The following DLGAP1 variants were observed in gnomAD, a reference collection of about 807,000 sequenced individuals.
DLGAP1 encodes the protein disks large-associated protein 1.
In DLGAP1, 11 loss-of-function variants were observed where a neutral mutation model predicts 90.8. The ratio of observed to expected loss-of-function variants is 0.12; its 90% CI spans 0.08 to 0.20. The LOEUF is 0.20. Among genes scored for constraint, DLGAP1 ranks in the 10% least tolerant of loss-of-function variants. The pLI, the probability that DLGAP1 is intolerant of heterozygous loss-of-function variation, is 1.00. For synonymous variants in DLGAP1, 558 were observed against 540.7 expected (o/e 1.03, Z -0.44); for missense variants, 1,050 against 1,333.8 (o/e 0.79, Z 3.31).
intron 7 of DLGAP1, among the ~76,000 whole-genome samples, chr18:3,703,172 T>C (rs545059745): frequency 6.6e-6 from 1 of 152,210 alleles, no homozygotes; most frequent in South Asian, 2.1e-4. Context: ...TCCAGAATCT[T>C]TGAAGTGGTG....
intron 5 of DLGAP1, among the ~76,000 whole-genome samples, chr18:3,772,997 T>C (rs2064764705): frequency 6.6e-6 from 1 of 152,176 alleles, no homozygotes; most frequent in African/African-American, 2.4e-5. Flanking sequence ...GCAGAGCCCA[T>C]TTAAAAGAAG....
At chr18:3,945,608 A>T (rs2072860549) in intron 3 of DLGAP1, among the ~76,000 whole-genome samples, 1 of 152,206 alleles carries the variant, frequency 6.6e-6, no homozygotes, top group South Asian at 2.1e-4. Flanking sequence ...CTTTTATGTA[A>T]AACAAAGATA....
rs532676139 is a variant in DLGAP1 at position 3,592,782 on chromosome 18, C to A, written c.1592-10534G>T. On this transcript the variant is annotated intron_variant, in intron 7 of 12. Coordinates refer to ENST00000315677, the MANE Select transcript of DLGAP1 (RefSeq NM_004746.4). ...TCACTTGAGCTTGGGAGGTGGAGGCCGCAATGAGCCATGACTGTGCCACTG... is the reference window on the plus strand; with the variant it reads ...TCACTTGAGCTTGGGAGGTGGAGGCAGCAATGAGCCATGACTGTGCCACTG... Among the ~76,000 whole-genome samples the A allele has an allele frequency of 8.7e-4, 118 of 135,552 alleles. 2 individuals carry two copies. The South Asian group carries it at 0.027, about 31-fold the overall frequency. The allele number at this position is 135,552 out of a possible 152,430, so 88.9% of individuals were successfully genotyped here.
At chr18:3,561,587 T>C (rs2054120374) in intron 9 of DLGAP1, among the ~76,000 whole-genome samples, 1 of 150,834 alleles carries the variant, frequency 6.6e-6, no homozygotes, top group Admixed American at 6.6e-5. Flanking sequence ...TCTGAAATAG[T>C]CTTTATTTTT....
intron 1 of DLGAP1, among the ~76,000 whole-genome samples, chr18:4,179,146 A>G (rs1243864436): frequency 6.6e-6 from 1 of 152,196 alleles, no homozygotes; most frequent in African/African-American, 2.4e-5. Flanking sequence ...CTTAAGACAA[A>G]GAAATACGGT....
intron 1 of DLGAP1, among the ~76,000 whole-genome samples, chr18:4,197,854 T>C (rs935027081): frequency 6.6e-6 from 1 of 152,168 alleles, no homozygotes; most frequent in Non-Finnish European, 1.5e-5. Flanking sequence ...CCAGCACTTA[T>C]TTCCCAGGGC....
intron 1 of DLGAP1, among the ~76,000 whole-genome samples, chr18:4,172,658 T>A (rs1032573971): frequency 2.6e-5 from 4 of 152,158 alleles, no homozygotes; most frequent in African/African-American, 7.2e-5. Context: ...AAATAACCAA[T>A]CACAGTTTGG....
intron 1 of DLGAP1, among the ~76,000 whole-genome samples, chr18:4,441,475 T>G (rs2083533816): frequency 6.6e-6 from 1 of 152,184 alleles, no homozygotes. Flanking sequence ...CTCATTGAAG[T>G]AGGCACTAGT....
At chr18:3,544,456 A>T (rs1202037479) in intron 9 of DLGAP1, among the ~76,000 whole-genome samples, 1 of 152,076 alleles carries the variant, frequency 6.6e-6, no homozygotes, top group African/African-American at 2.4e-5. Context: ...CCTATAAGAA[A>T]GGTTTAAAAT....
intron 4 of DLGAP1, among the ~76,000 whole-genome samples, chr18:3,870,103 C>T (rs2070651443): frequency 6.6e-6 from 1 of 152,118 alleles, no homozygotes; most frequent in African/African-American, 2.4e-5. Context: ...CCTTACAGTT[C>T]CCTAGAACTG....
chr18:3,666,379 C>G (rs988979538), intron 7 of DLGAP1, among the ~76,000 whole-genome samples: 1 of 152,092 alleles, frequency 6.6e-6, no homozygotes, highest in African/African-American at 2.4e-5. Flanking sequence ...CCACCTTTGC[C>G]CCAGGATCCT....
At chr18:3,942,215 C>T (rs2072783816) in intron 3 of DLGAP1, among the ~76,000 whole-genome samples, 1 of 152,166 alleles carries the variant, frequency 6.6e-6, no homozygotes, top group Admixed American at 6.5e-5. Context: ...GGCACTGTGC[C>T]TAGGGATTTA....
In DLGAP1 at chr18:3,660,928, A is replaced by T. The variant is rs2059660076; in HGVS notation, c.1591+68207T>A. Reference sequence around the variant, plus strand: ...ATTATGACAGCAATGTTCACAGGAAACTGTATGATAAGGCACAATAGAGAA... The same window carrying T: ...ATTATGACAGCAATGTTCACAGGAATCTGTATGATAAGGCACAATAGAGAA... On this transcript the variant is annotated intron_variant, in intron 7 of 12. Coordinates refer to ENST00000315677, the MANE Select transcript of DLGAP1 (RefSeq NM_004746.4). The surrounding 1 kb of genome is among the most constrained non-coding windows in gnomAD (Gnocchi z 4.2). 6.6e-6 allele frequency among the ~76,000 whole-genome samples: 1 copy of T among 152,232 alleles called. No homozygotes were observed. The highest frequency in any genetic ancestry group is 6.5e-5 in the Admixed American group (1 of 15,290).
chr18:3,799,384 T>C (rs925229817), intron 5 of DLGAP1, among the ~76,000 whole-genome samples: 2 of 152,112 alleles, frequency 1.3e-5, no homozygotes, highest in African/African-American at 4.8e-5. Context: ...GTGCTGTCCC[T>C]TCTGCGGGGG....
chr18:4,176,489 C>T (rs1046470069), intron 1 of DLGAP1, among the ~76,000 whole-genome samples: 1 of 152,190 alleles, frequency 6.6e-6, no homozygotes, highest in Admixed American at 6.5e-5. Context: ...GAGCTAACTC[C>T]TACTTCTTAA....
In DLGAP1 at chr18:3,553,823, A is replaced by G. The variant is rs1324503311; in HGVS notation, c.2057+13667T>C. ...GCTGGGATTACAAGCGTGAGCCACC[A>G]CGCCCGGCCCACACATAGTTTTTTA... On this transcript the variant is annotated intron_variant, in intron 9 of 12. Transcript: ENST00000315677. 3.3e-5 allele frequency among the ~76,000 whole-genome samples: 5 copies of G among 152,244 alleles called. No homozygotes were observed. The South Asian group carries it at 6.2e-4, about 19-fold the overall frequency.
chr18:3,903,008 C>G (rs2071817352), intron 3 of DLGAP1, among the ~76,000 whole-genome samples: 1 of 152,200 alleles, frequency 6.6e-6, no homozygotes, highest in Non-Finnish European at 1.5e-5. Flanking sequence ...CCCAGAAGCA[C>G]TTTGCCTGTG....
chr18:3,686,860 T>A (rs2060721480), intron 7 of DLGAP1, among the ~76,000 whole-genome samples: 1 of 152,162 alleles, frequency 6.6e-6, no homozygotes, highest in Non-Finnish European at 1.5e-5. Context: ...AAATATTATC[T>A]TATCTGGCCA....
chr18:4,432,662 CATT>C (rs1231492972), intron 1 of DLGAP1, among the ~76,000 whole-genome samples: 2 of 149,490 alleles, frequency 1.3e-5, no homozygotes, highest in South Asian at 4.2e-4. Context: ...TTAAAGTATA[CATT>C]ATTATTAACT....
Sources: allele counts gnomAD v4.1 joint callset (sites outside exome capture counted in the v4.1 genomes callset), GRCh38; gene constraint gnomAD v4.1.1; non-coding constraint Gnocchi (gnomAD v3.1); transcripts MANE v1.5; gene names NCBI Gene and HGNC (gene_info 2026-07-23, HGNC 2026-07-21).